Variants in HUWE1 observed in about 807,000 individuals in gnomAD.
HUWE1 encodes HECT, UBA and WWE domain containing E3 ubiquitin protein ligase 1.
Under a neutral mutation model 299.4 loss-of-function variants are expected in HUWE1, and 18 were observed. The ratio of observed to expected loss-of-function variants is 0.06; its 90% CI spans 0.04 to 0.09. The LOEUF is 0.09. Among genes scored for constraint, HUWE1 ranks in the 10% least tolerant of loss-of-function variants. HUWE1 has a pLI of 1.00. For missense variants in HUWE1, 1,832 were observed against 3,462.3 expected (o/e 0.53, Z 11.82); for synonymous variants, 1,317 against 1,286.1 (o/e 1.02, Z -0.51).
chrX:53,679,756 T>A (rs782184782), intron 3 of HUWE1, among the ~76,000 whole-genome samples: 26 of 112,658 alleles, frequency 2.3e-4, no homozygotes, highest in African/African-American at 8.4e-4. Flanking sequence ...ATGTTTGAAA[T>A]TTTTCGTAAC....
At chrX:53,577,714 G>C (rs1213340935) in intron 43 of HUWE1, among the ~76,000 whole-genome samples, 1 of 114,501 alleles carries the variant, frequency 8.7e-6, no homozygotes, top group Non-Finnish European at 1.9e-5. Flanking sequence ...GGTGGAGACG[G>C]GGTTTTGCTG....
chrX:53,604,691 A>C lies in HUWE1; in HGVS notation c.2640T>G (p.Val880=). 1 of 1,211,880 alleles carries C rather than the reference A, an allele frequency of 8.3e-7. No homozygotes were observed. Among genetic ancestry groups the C allele is most frequent in the East Asian group, 3.0e-5 (1 of 33,861 alleles). Residue 880 remains valine (V), a synonymous_variant, in exon 26 of 84, where the codon GTT becomes GTG. Transcript: ENST00000262854. ...LLRELACAGN[V]ADATLSAQAT... ...CCTGGGCTGAGAGGGTAGCATCAGC[A>C]ACATTGCCTGCGCAAGCCAGTTCTC...
At chrX:53,681,328 G>A (rs1057370077) in intron 2 of HUWE1, among the ~76,000 whole-genome samples, 10 of 108,358 alleles carry the variant, frequency 9.2e-5, no homozygotes, top group Non-Finnish European at 1.7e-4. Flanking sequence ...CAGCTACTCG[G>A]GAGGCTGAGG....
intron 75 of HUWE1, among the ~76,000 whole-genome samples, 153 bp from the exon 76 acceptor site, chrX:53,539,233 C>T (rs1194053954): frequency 9.5e-6 from 1 of 105,647 alleles, no homozygotes; most frequent in African/African-American, 3.5e-5. Context: ...ATGATCCCAG[C>T]ACTTTGGGAG....
At chrX:53,541,538 G>T (rs1002462127) in intron 74 of HUWE1, among the ~76,000 whole-genome samples, 5 of 111,621 alleles carry the variant, frequency 4.5e-5, no homozygotes, top group Admixed American at 2.8e-4. Context: ...AGGTTGCAGT[G>T]AGCCGAGATT....
intron 23 of HUWE1, 82 bp downstream of exon 23, chrX:53,614,452 A>G: frequency 1.4e-6 from 1 of 700,812 alleles, no homozygotes; most frequent in Admixed American, 2.2e-5. Context: ...CTTTTTATAG[A>G]TGAAAGTGTT....
At chrX:53,558,587 T>C (rs2062142241) in intron 59 of HUWE1, 68 bp downstream of exon 59, 2 of 1,041,636 alleles carry the variant, frequency 1.9e-6, no homozygotes, top group Non-Finnish European at 2.7e-6. Context: ...CCTGGTGCCA[T>C]GTGTATGCCA....
chrX:53,585,185 G>A lies in HUWE1; in HGVS notation c.4828C>T (p.Leu1610=). ...SKRRAQMTKY[L]QSNSNNWRWF... ...CGCCAGTTGTTGCTGTTGGATTGCAGGTACTAAACATAAAAGTACAAAGTT... is the reference window on the plus strand; with the variant it reads ...CGCCAGTTGTTGCTGTTGGATTGCAAGTACTAAACATAAAAGTACAAAGTT... Residue 1610 remains leucine (L), a synonymous_variant, in exon 40 of 84, where the codon CTG becomes TTG. Transcript: ENST00000262854. The A allele has an allele frequency of 8.3e-7, 1 of 1,210,891 alleles. No homozygotes were observed. Among genetic ancestry groups the A allele is most frequent in the Non-Finnish European group, 1.1e-6 (1 of 894,628 alleles).
intron 28 of HUWE1, among the ~76,000 whole-genome samples, chrX:53,600,885 T>C (rs1556989819): frequency 8.9e-6 from 1 of 112,538 alleles, no homozygotes; most frequent in African/African-American, 3.2e-5. Context: ...GTTAAATGTG[T>C]TAAATTGCTA....
intron 29 of HUWE1, among the ~76,000 whole-genome samples, chrX:53,596,678 T>G (rs1556985334): frequency 8.9e-6 from 1 of 112,070 alleles, no homozygotes; most frequent in African/African-American, 3.2e-5. Flanking sequence ...TGTAGTGATC[T>G]CTCATGGTTC....
chrX:53,586,676 A>AG, intron 38 of HUWE1, 105 bp from the exon 39 acceptor site: 1 of 1,090,524 alleles, frequency 9.2e-7, no homozygotes, highest in Non-Finnish European at 1.3e-6. Context: ...TTAAAACTAC[A>AG]GAAGTACCAC....
intron 31 of HUWE1, 99 bp from the exon 32 acceptor site, chrX:53,593,700 A>C: frequency 1.7e-6 from 1 of 595,350 alleles, no homozygotes; most frequent in Non-Finnish European, 2.9e-6. Context: ...TTGGCCCTAC[A>C]CGTCCCTCTT....
rs782101800 is a variant in HUWE1 at position 53,562,878 on chromosome X, G to C, written c.7157C>G (p.Ala2386Gly). 8 of 1,211,380 alleles carry C rather than the reference G, an allele frequency of 6.6e-6. No homozygotes were observed. ...ESQEDVLMDE[A>G]PSNLSQASTL... ...GGAAGCTTGGCTGAGGTTGGAAGGAGCTTCATCCATCAGCACGTCCTCTTG... is the reference window on the plus strand; with the variant it reads ...GGAAGCTTGGCTGAGGTTGGAAGGACCTTCATCCATCAGCACGTCCTCTTG... The change falls in exon 53 of 84, where the codon GCT (alanine) becomes GGT (glycine). Residue 2386 changes from alanine to glycine, a missense_variant. Around this residue, in one of 15 missense-constraint regions of HUWE1, gnomAD observed 170 missense variants for 335.8 expected, o/e 0.51. Coordinates refer to ENST00000262854, the MANE Select transcript of HUWE1 (RefSeq NM_031407.7).
At chrX:53,638,527 A>T (rs1215973145) in intron 7 of HUWE1, among the ~76,000 whole-genome samples, 2 of 111,949 alleles carry the variant, frequency 1.8e-5, no homozygotes, top group Non-Finnish European at 3.8e-5. Context: ...ATATTCAGAC[A>T]TCAGGAAAAA....
At chrX:53,555,282 C>T (rs1257850369) in intron 60 of HUWE1, among the ~76,000 whole-genome samples, 4 of 111,967 alleles carry the variant, frequency 3.6e-5, no homozygotes, top group African/African-American at 1.3e-4. Context: ...TTGATCCTCC[C>T]ACTTCATCTA....
chrX:53,671,690 G>C (rs1308800912), intron 3 of HUWE1, among the ~76,000 whole-genome samples: 3 of 108,247 alleles, frequency 2.8e-5, no homozygotes, highest in Non-Finnish European at 5.7e-5. Flanking sequence ...CTACTCAAAA[G>C]GCTGAGGCAG....
At chrX:53,545,404 A>G (rs2061502872) in intron 70 of HUWE1, among the ~76,000 whole-genome samples, 2 of 111,623 alleles carry the variant, frequency 1.8e-5, no homozygotes, top group South Asian at 7.5e-4. Context: ...TTTCATGTAG[A>G]AGAGAAACAG....
chrX:53,573,211 A>T (rs2062920725), intron 47 of HUWE1, among the ~76,000 whole-genome samples: 1 of 111,582 alleles, frequency 9.0e-6, no homozygotes, highest in African/African-American at 3.3e-5. Context: ...TCTCTCTCTC[A>T]GTGAACCTAA....
Position 53,569,795 on chromosome X carries a change from G to A in HUWE1, c.6345C>T (p.His2115=). The A allele has an allele frequency of 8.3e-7, 1 of 1,212,062 alleles. No individual in the cohort carries two copies. Among genetic ancestry groups the A allele is most frequent in the Non-Finnish European group, 1.1e-6 (1 of 895,474 alleles). Residue 2115 remains histidine (H), a synonymous_variant, in exon 48 of 84, where the codon CAC becomes CAT. Transcript: ENST00000262854. ...CTGCATTCTGGGTATGTGGGAGCAGGTGGTCCAGAACAAAAGCTAGCACAC... is the reference window on the plus strand; with the variant it reads ...CTGCATTCTGGGTATGTGGGAGCAGATGGTCCAGAACAAAAGCTAGCACAC... The part of the protein sequence containing the change: ...DCSVLAFVLD[H]LLPHTQNAED...
Sources: gnomAD v4.1 joint callset for allele counts (sites outside exome capture counted in the v4.1 genomes callset) on GRCh38, gnomAD v4.1.1 for gene constraint, gnomAD v4.1.1 regional missense constraint, MANE v1.5 for transcripts, NCBI Gene and HGNC (gene_info 2026-07-23, HGNC 2026-07-21) for gene names.